AGBL4: variants seen among roughly 807,000 people sequenced by gnomAD.
AGBL4 encodes AGBL carboxypeptidase 4.
AGBL4 carries 58 observed loss-of-function variants against 66.4 expected under a neutral mutation model. The observed-to-expected ratio is 0.87, with a 90% confidence interval of 0.71 to 1.09. The LOEUF (loss-of-function observed/expected upper bound fraction) is 1.09. AGBL4 is among the 50% of genes least tolerant of loss of function. The probability of loss-of-function intolerance (pLI) is 0.00; values close to 1 mark genes in which losing one functional copy is unlikely to be tolerated. For missense variants in AGBL4, 579 were observed against 631.0 expected, an observed-to-expected ratio of 0.92 and a Z score of 0.88; for synonymous variants, 234 against 222.9, an observed-to-expected ratio of 1.05 and a Z score of -0.44.
chr1:49,213,036 A>T (rs190096346), intron 4 of AGBL4, among the ~76,000 whole-genome samples: 1,558 of 152,200 alleles, frequency 0.01, 15 homozygotes, highest in Non-Finnish European at 0.016. Flanking sequence ...AATTTCATTT[A>T]TTCTTTTAAA....
At chr1:49,692,668 A>G (rs1004194517) in intron 3 of AGBL4, among the ~76,000 whole-genome samples, 8 of 151,786 alleles carry the variant, frequency 5.3e-5, no homozygotes, top group African/African-American at 1.9e-4. Flanking sequence ...CAGTGAGCCA[A>G]GATCGCGCCA....
intron 1 of AGBL4, among the ~76,000 whole-genome samples, chr1:49,922,693 G>C (rs1341581576): frequency 6.6e-6 from 1 of 151,952 alleles, no homozygotes; most frequent in Non-Finnish European, 1.5e-5. Context: ...AGCCAAATCA[G>C]GAACAAACTC....
chr1:48,619,763 T>C (rs1183557908), intron 9 of AGBL4, among the ~76,000 whole-genome samples: 1 of 152,154 alleles, frequency 6.6e-6, no homozygotes, highest in Non-Finnish European at 1.5e-5. Flanking sequence ...AAGCAAAGCT[T>C]TGCCCTTGAA....
At chr1:48,593,254 A>G (rs1385312604) in intron 9 of AGBL4, among the ~76,000 whole-genome samples, 1 of 152,156 alleles carries the variant, frequency 6.6e-6, no homozygotes, top group African/African-American at 2.4e-5. Flanking sequence ...CACCATTCAG[A>G]TCTGCTGTTC....
intron 6 of AGBL4, among the ~76,000 whole-genome samples, chr1:48,834,016 G>A (rs1236293148): frequency 6.6e-6 from 1 of 152,020 alleles, no homozygotes; most frequent in African/African-American, 2.4e-5. Flanking sequence ...AATCAAAGAG[G>A]GTTATTTGCA....
At chr1:48,706,279 G>T (rs536143026) in intron 6 of AGBL4, among the ~76,000 whole-genome samples, 1 of 152,146 alleles carries the variant, frequency 6.6e-6, no homozygotes, top group African/African-American at 2.4e-5. Flanking sequence ...TAAGGAAAAA[G>T]ATTTGAAAAA....
chr1:48,549,782 A>G (rs765304026), intron 11 of AGBL4, among the ~76,000 whole-genome samples: 68 of 152,088 alleles, frequency 4.5e-4, no homozygotes, highest in Non-Finnish European at 7.9e-4. Context: ...AAGAGGTGTG[A>G]GAGAGATATA....
chr1:49,446,616 G>C (rs561513508), intron 3 of AGBL4, among the ~76,000 whole-genome samples: 1 of 152,096 alleles, frequency 6.6e-6, no homozygotes, highest in Non-Finnish European at 1.5e-5. Flanking sequence ...TATGTCCCAG[G>C]GTGGTGTATG....
intron 2 of AGBL4, among the ~76,000 whole-genome samples, chr1:49,781,368 C>G (rs897845642): frequency 1.3e-5 from 2 of 151,912 alleles, no homozygotes; most frequent in Non-Finnish European, 1.5e-5. Flanking sequence ...TACTCTCCAG[C>G]CTGAGCAACA....
At chr1:49,517,216 A>C (rs1268923718) in intron 3 of AGBL4, among the ~76,000 whole-genome samples, 1 of 151,576 alleles carries the variant, frequency 6.6e-6, no homozygotes, top group East Asian at 1.9e-4. Context: ...AGAGTATTGA[A>C]CTAATGTATC....
At chr1:49,280,006 T>C (rs1207237918) in intron 3 of AGBL4, among the ~76,000 whole-genome samples, 1 of 152,170 alleles carries the variant, frequency 6.6e-6, no homozygotes, top group Non-Finnish European at 1.5e-5. Flanking sequence ...CTTCCCCAAT[T>C]ACTCCTGCAG....
At chr1:49,296,410 C>T (rs1311731761) in intron 3 of AGBL4, among the ~76,000 whole-genome samples, 1 of 152,098 alleles carries the variant, frequency 6.6e-6, no homozygotes, top group Non-Finnish European at 1.5e-5. Context: ...CCCAAACTCT[C>T]AAATTTAATG....
At chr1:49,979,791 G>T (rs934763005) in intron 1 of AGBL4, among the ~76,000 whole-genome samples, 1 of 152,166 alleles carries the variant, frequency 6.6e-6, no homozygotes, top group African/African-American at 2.4e-5. Flanking sequence ...CAGGACCCAT[G>T]TGGAATGCCA....
chr1:48,829,716 G>A (rs751264493), intron 6 of AGBL4, among the ~76,000 whole-genome samples: 11 of 149,792 alleles, frequency 7.3e-5, no homozygotes, highest in Middle Eastern at 3.2e-3. Flanking sequence ...ATGGAAAGCA[G>A]GAAAAAAAAA....
rs189104953 is a variant in AGBL4 at position 48,753,092 on chromosome 1, C to T, written c.635-89851G>A. 2.6e-5 allele frequency among the ~76,000 whole-genome samples: 4 copies of T among 152,322 alleles called. No individual in the cohort carries two copies. In the East Asian group the frequency reaches 7.7e-4, roughly 29 times the overall value. On this transcript the variant is annotated intron_variant, in intron 6 of 13. Coordinates refer to ENST00000371839, the MANE Select transcript of AGBL4 (RefSeq NM_032785.4). The stretch of plus-strand genomic sequence containing the variant: ...CCATAATAGCTGATACTATCATTCA[C>T]TCTCTTGTACAGATGAGGAAACTAA...
intron 3 of AGBL4, among the ~76,000 whole-genome samples, chr1:49,638,869 A>G (rs1645727486): frequency 6.6e-6 from 1 of 152,164 alleles, no homozygotes. Context: ...AGAAGATACT[A>G]CTAACACGCC....
At chr1:49,765,887 A>G (rs1652697692) in intron 2 of AGBL4, among the ~76,000 whole-genome samples, 1 of 152,134 alleles carries the variant, frequency 6.6e-6, no homozygotes, top group Non-Finnish European at 1.5e-5. Context: ...GAGAAAAATA[A>G]TGAAAAAAAA....
chr1:49,186,098 T>C (rs1449437508), intron 4 of AGBL4, among the ~76,000 whole-genome samples: 1 of 152,086 alleles, frequency 6.6e-6, no homozygotes, highest in African/African-American at 2.4e-5. Flanking sequence ...AATTTGGCCA[T>C]TCATCTTATG....
At chr1:48,747,973 T>C (rs1277880571) in intron 6 of AGBL4, among the ~76,000 whole-genome samples, 1 of 152,222 alleles carries the variant, frequency 6.6e-6, no homozygotes, top group Non-Finnish European at 1.5e-5. Context: ...CTTCTGTAAG[T>C]AGATAGGAAG....
Sources: gnomAD v4.1 joint callset for allele counts (sites outside exome capture counted in the v4.1 genomes callset) on GRCh38, gnomAD v4.1.1 for gene constraint, MANE v1.5 for transcripts, NCBI Gene and HGNC (gene_info 2026-07-23, HGNC 2026-07-21) for gene names.